The following CENPA variants were observed in gnomAD, a reference collection of about 807,000 sequenced individuals.
CENPA encodes the protein centromere protein A.
In CENPA, 7 loss-of-function variants were observed where a neutral mutation model predicts 17.2. The ratio of observed to expected loss-of-function variants is 0.41; its 90% CI spans 0.23 to 0.76. The LOEUF (loss-of-function observed/expected upper bound fraction) is 0.76, where lower values mean the gene tolerates loss of function less well. Among genes scored for constraint, CENPA ranks in the 30% least tolerant of loss-of-function variants. The pLI, the probability that CENPA is intolerant of heterozygous loss-of-function variation, is 0.34. For synonymous variants in CENPA, 82 were observed against 77.4 expected, an observed-to-expected ratio of 1.06 and a Z score of -0.31; for missense variants, 149 against 193.1, an observed-to-expected ratio of 0.77 and a Z score of 1.35.
chr2:26,792,600 G>A (rs960197390), intron 2 of CENPA, 156 bp from the exon 3 acceptor site: 1 of 748,316 alleles, frequency 1.3e-6, no homozygotes, highest in African/African-American at 1.7e-5. Flanking sequence ...GCTCCCAGGA[G>A]TCAACACCTG....
Position 26,786,212 on chromosome 2 carries a change from C to T in CENPA, c.16C>T (p.Arg6Trp). ...GCGGCGTGTCATGGGCCCGCGCCGC[C>T]GGAGCCGAAAGCCCGAGGCCCCGAG... MGPRR[R>W]SRKPEAPRRR... Residue 6 changes from arginine to tryptophan, a missense_variant, in exon 1 of 5, where the codon CGG becomes TGG. Coordinates refer to ENST00000335756, the MANE Select transcript of CENPA (RefSeq NM_001809.4). The T allele has an allele frequency of 6.9e-7, 1 of 1,441,190 alleles. No homozygotes were observed. Among genetic ancestry groups the T allele is most frequent in the Non-Finnish European group, 9.1e-7 (1 of 1,103,386 alleles). 89.3% of individuals were successfully genotyped at this position (1,441,190 alleles called of 1,614,324 possible).
chr2:26,792,658 G>A (rs1056846102), intron 2 of CENPA, 98 bp from the exon 3 acceptor site: 2 of 1,068,016 alleles, frequency 1.9e-6, no homozygotes, highest in African/African-American at 3.1e-5. Flanking sequence ...ATAATGGAAA[G>A]GAAGATTCAC....
Position 26,793,273 on chromosome 2 carries a change from C to A in CENPA, c.417C>A (p.Leu139=). The change falls in exon 4 of 5, where the codon CTC becomes CTA. Residue 139 remains leucine (L), a synonymous_variant. Transcript: ENST00000335756. ...ARRIRGLEEG[L]G ...GGATCCGGGGCCTTGAGGAGGGACT[C>A]GGCTGAGCTCCTGCACCCAGTGTTT... 6.2e-7 allele frequency: 1 copy of A among 1,613,860 alleles called. No individual in the cohort carries two copies. Among genetic ancestry groups the A allele is most frequent in the Non-Finnish European group, 8.5e-7 (1 of 1,180,000 alleles).
chr2:26,793,004 T>A (rs1178633158), intron 3 of CENPA, 141 bp from the exon 4 acceptor site: 1 of 1,314,252 alleles, frequency 7.6e-7, no homozygotes, highest in Non-Finnish European at 1.1e-6. Flanking sequence ...ATAGCAGAAT[T>A]CCCTGGCAAA....
At chr2:26,788,039 T>C (rs991901638) in intron 1 of CENPA, among the ~76,000 whole-genome samples, 2 of 152,228 alleles carry the variant, frequency 1.3e-5, no homozygotes, top group Non-Finnish European at 2.9e-5. Context: ...TTAAGTATGA[T>C]GTTTGCTGTT....
intron 1 of CENPA, among the ~76,000 whole-genome samples, chr2:26,787,277 G>A (rs1357821367): frequency 1.3e-5 from 2 of 152,100 alleles, no homozygotes; most frequent in East Asian, 3.9e-4. Flanking sequence ...GTGCAGTGGC[G>A]CGATCTCCGC....
At chr2:26,792,959 C>A in intron 3 of CENPA, 126 bp downstream of exon 3, 3 of 1,231,556 alleles carry the variant, frequency 2.4e-6, no homozygotes, top group East Asian at 2.3e-5. Flanking sequence ...AATGAGGTAA[C>A]CTCTGAGGGT....
chr2:26,788,769 G>T (rs534068570), intron 1 of CENPA, among the ~76,000 whole-genome samples: 2 of 152,148 alleles, frequency 1.3e-5, no homozygotes, highest in Non-Finnish European at 2.9e-5. Context: ...TCTACCTCCC[G>T]GGTTCAAGCG....
chr2:26,786,250 G>C lies in CENPA; in HGVS notation c.54G>C (p.Pro18=). The C allele has an allele frequency of 7.2e-7, 1 of 1,387,114 alleles. No individual in the cohort carries two copies. Among genetic ancestry groups the C allele is most frequent in the Non-Finnish European group, 9.3e-7 (1 of 1,078,106 alleles). 85.9% of individuals were successfully genotyped at this position (1,387,114 alleles called of 1,614,324 possible). A position where few individuals can be genotyped will look rare whatever the true frequency, so the allele number is the denominator to read the frequency against. ...RKPEAPRRRS[P]SPTPTPGPSR... is the part of the protein sequence containing the mutation. ...CCGAGGCCCCGAGGAGGCGCAGCCCGAGCCCGACCCCGACCCCCGGCCCCT... is the reference window on the plus strand; with the variant it reads ...CCGAGGCCCCGAGGAGGCGCAGCCCCAGCCCGACCCCGACCCCCGGCCCCT... The change falls in exon 1 of 5, where the codon CCG becomes CCC. Residue 18 remains proline (P), a synonymous_variant. Transcript: ENST00000335756.
At chr2:26,786,324 A>T (rs1320867355) in intron 1 of CENPA, 28 bp downstream of exon 1, 26 of 1,296,490 alleles carry the variant, frequency 2.0e-5, no homozygotes, top group Non-Finnish European at 2.5e-5. Flanking sequence ...CATCTCGAAG[A>T]GGAGAAAACC....
chr2:26,792,879 AAG>A, intron 3 of CENPA, 46 bp downstream of exon 3: 1 of 1,553,270 alleles, frequency 6.4e-7, no homozygotes, highest in South Asian at 1.1e-5. Context: ...GAGTGGGAGA[AAG>A]AGGCAGCCTA....
chr2:26,791,397 A>G (rs1479225565), intron 1 of CENPA, among the ~76,000 whole-genome samples: 1 of 152,220 alleles, frequency 6.6e-6, no homozygotes, highest in Non-Finnish European at 1.5e-5. Context: ...TTAATTTCCA[A>G]TTAGAGAATT....
In CENPA at chr2:26,786,250, G is replaced by T; in HGVS notation, c.54G>T (p.Pro18=). Residue 18 remains proline, a synonymous_variant, in exon 1 of 5, where the codon CCG becomes CCT. Transcript: ENST00000335756. ...CCGAGGCCCCGAGGAGGCGCAGCCC[G>T]AGCCCGACCCCGACCCCCGGCCCCT... ...RKPEAPRRRS[P]SPTPTPGPSR... The T allele has an allele frequency of 7.2e-7, 1 of 1,387,114 alleles. No individual in the cohort carries two copies. The highest frequency in any genetic ancestry group is 9.3e-7 in the Non-Finnish European group (1 of 1,078,106). The allele number at this position is 1,387,114 out of a possible 1,614,324, so 85.9% of individuals were successfully genotyped here.
In CENPA at chr2:26,793,200, A is replaced by T; in HGVS notation, c.344A>T (p.His115Leu). The change falls in exon 4 of 5, where the codon CAT becomes CTT. Residue 115 changes from histidine (H) to leucine (L), a missense_variant. His to Leu is a moderately conservative substitution (Grantham distance 99, BLOSUM62 -3). Coordinates refer to ENST00000335756, the MANE Select transcript of CENPA (RefSeq NM_001809.4). ...GAGGACGCCTATCTCCTCACCTTACATGCAGGCCGAGTTACTCTCTTCCCA... is the reference window on the plus strand; with the variant it reads ...GAGGACGCCTATCTCCTCACCTTACTTGCAGGCCGAGTTACTCTCTTCCCA... ...LFEDAYLLTL[H>L]AGRVTLFPKD... 1 of 1,613,946 alleles carries T rather than the reference A, an allele frequency of 6.2e-7. No homozygotes were observed. The highest frequency in any genetic ancestry group is 8.5e-7 in the Non-Finnish European group (1 of 1,179,950).
At chr2:26,786,850 G>C (rs571174398) in intron 1 of CENPA, among the ~76,000 whole-genome samples, 1 of 152,296 alleles carries the variant, frequency 6.6e-6, no homozygotes, top group South Asian at 2.1e-4. Flanking sequence ...CTTGAACCGA[G>C]GCCCTCTGCG....
At position 26,794,304 on chromosome 2, in the gene CENPA, A is replaced by G. The variant is rs1664675510; in HGVS notation, c.*540A>G. 1 of 152,240 alleles carries G rather than the reference A, an allele frequency of 6.6e-6. No individual in the cohort carries two copies. The highest frequency in any genetic ancestry group is 2.4e-5 in the African/African-American group (1 of 41,474). The allele number at this position is 152,240 out of a possible 1,614,324, so 9.4% of individuals were successfully genotyped here. ...TAGCCTCACCATTAGTGGCAGCATC[A>G]TGTAACTGAGTGGACTGTGCTTGTC... is the stretch of plus-strand genomic sequence containing the variant. On this transcript the variant is annotated 3_prime_UTR_variant, in exon 5 of 5. Coordinates refer to ENST00000335756, the MANE Select transcript of CENPA (RefSeq NM_001809.4).
Position 26,786,262 on chromosome 2 carries a change from G to T in CENPA, c.66G>T (p.Pro22=). Residue 22 remains proline (P), a synonymous_variant, in exon 1 of 5, where the codon CCG becomes CCT. Transcript: ENST00000335756. ...APRRRSPSPT[P]TPGPSRRGPS... ...GGAGGCGCAGCCCGAGCCCGACCCC[G>T]ACCCCCGGCCCCTCCCGGCGGGGCC... The T allele has an allele frequency of 7.4e-7, 1 of 1,359,890 alleles. No individual in the cohort carries two copies. The highest frequency in any genetic ancestry group is 1.5e-5 in the African/African-American group (1 of 65,318). The allele number at this position is 1,359,890 out of a possible 1,614,324, so 84.2% of individuals were successfully genotyped here. A position where few individuals can be genotyped will look rare whatever the true frequency, so the allele number is the denominator to read the frequency against.
chr2:26,791,836 A>G (rs542164441), intron 1 of CENPA, among the ~76,000 whole-genome samples: 5 of 152,242 alleles, frequency 3.3e-5, no homozygotes, highest in Non-Finnish European at 7.3e-5. Flanking sequence ...TTTAAAATCA[A>G]CTGCAGAGGA....
In CENPA at chr2:26,792,213, G is replaced by A. The variant is rs1461531928; in HGVS notation, c.183G>A (p.Leu61=). ...AGCTTCAGAAGAGCACACACCTCTT[G>A]ATAAGGAAGCTGCCCTTCAGCCGCC... The part of the protein sequence containing the change: ...IRKLQKSTHL[L]IRKLPFSRLA... Residue 61 remains leucine, a synonymous_variant, in exon 2 of 5, where the codon TTG becomes TTA. Coordinates refer to ENST00000335756, the MANE Select transcript of CENPA (RefSeq NM_001809.4). 1.9e-6 allele frequency: 3 copies of A among 1,613,756 alleles called. No homozygotes were observed. The highest frequency in any genetic ancestry group is 1.7e-6 in the Non-Finnish European group (2 of 1,179,870).
Sources: allele counts gnomAD v4.1 joint callset (sites outside exome capture counted in the v4.1 genomes callset), GRCh38; gene constraint gnomAD v4.1.1; transcripts MANE v1.5; gene names NCBI Gene and HGNC (gene_info 2026-07-23, HGNC 2026-07-21).